GRIP1: variants seen among roughly 807,000 people sequenced by gnomAD.
GRIP1 encodes glutamate receptor interacting protein 1.
In GRIP1, 45 loss-of-function variants were observed where a neutral mutation model predicts 129.9. The observed-to-expected ratio is 0.35, with a 90% CI of 0.27 to 0.44. The LOEUF (loss-of-function observed/expected upper bound fraction) is 0.44, where lower values mean the gene tolerates loss of function less well. Among genes scored for constraint, GRIP1 ranks in the 20% least tolerant of loss-of-function variants. The probability of loss-of-function intolerance (pLI) is 1.00; values close to 1 mark genes in which losing one functional copy is unlikely to be tolerated. For missense variants in GRIP1, 1,196 were observed against 1,396.8 expected (o/e 0.86, Z 2.29); for synonymous variants, 530 against 520.8 (o/e 1.02, Z -0.24).
chr12:66,612,105 A>G (rs180808751), intron 1 of GRIP1, among the ~76,000 whole-genome samples: 69 of 152,318 alleles, frequency 4.5e-4, no homozygotes, highest in Non-Finnish European at 8.1e-4. Flanking sequence ...AATATAATGC[A>G]TATAATGACC....
At chr12:66,792,938 T>G (rs976840329) in intron 1 of GRIP1, among the ~76,000 whole-genome samples, 1 of 152,156 alleles carries the variant, frequency 6.6e-6, no homozygotes, top group African/African-American at 2.4e-5. Flanking sequence ...ATAATTTTAC[T>G]CTCTTTGAGA....
At chr12:66,974,767 T>C (rs560070936) in intron 1 of GRIP1, among the ~76,000 whole-genome samples, 8 of 152,312 alleles carry the variant, frequency 5.3e-5, no homozygotes, top group African/African-American at 1.7e-4. Context: ...ATCCAGGTCA[T>C]AGACAGAGGC....
intron 1 of GRIP1, among the ~76,000 whole-genome samples, chr12:66,817,208 A>ACACACATG (rs1467105292): frequency 1.1e-5 from 1 of 91,150 alleles, no homozygotes; most frequent in Non-Finnish European, 2.0e-5. Flanking sequence ...GTATGCACAC[A>ACACACATG]CACACACACA....
intron 1 of GRIP1, among the ~76,000 whole-genome samples, chr12:66,620,736 T>C (rs949263136): frequency 6.6e-6 from 1 of 151,930 alleles, no homozygotes; most frequent in African/African-American, 2.4e-5. Context: ...CCTCTCGCTC[T>C]CTTTCTCTTC....
At chr12:66,615,703 G>C (rs2065010878) in intron 1 of GRIP1, among the ~76,000 whole-genome samples, 1 of 152,122 alleles carries the variant, frequency 6.6e-6, no homozygotes, top group Non-Finnish European at 1.5e-5. Flanking sequence ...AGTATGCAGT[G>C]GTGTGATCTC....
chr12:66,954,925 C>A (rs1264345857), intron 1 of GRIP1, among the ~76,000 whole-genome samples: 1 of 152,106 alleles, frequency 6.6e-6, no homozygotes, highest in Non-Finnish European at 1.5e-5. Context: ...GGAAGAAAGG[C>A]AAGTTGCATT....
At chr12:66,857,413 A>T (rs2040026582) in intron 1 of GRIP1, among the ~76,000 whole-genome samples, 1 of 152,066 alleles carries the variant, frequency 6.6e-6, no homozygotes, top group Non-Finnish European at 1.5e-5. Context: ...AATAGTAATG[A>T]TTAACTACTG....
chr12:66,513,681 A>C (rs146140903), intron 7 of GRIP1, among the ~76,000 whole-genome samples: 1 of 152,300 alleles, frequency 6.6e-6, no homozygotes, highest in Non-Finnish European at 1.5e-5. Flanking sequence ...TATATTCAGC[A>C]ACCTTGAGGA....
chr12:66,545,627 T>C (rs1039320643), intron 2 of GRIP1, among the ~76,000 whole-genome samples: 1 of 152,202 alleles, frequency 6.6e-6, no homozygotes, highest in African/African-American at 2.4e-5. Flanking sequence ...CATTCATTCA[T>C]TCAATAAGAA....
intron 1 of GRIP1, among the ~76,000 whole-genome samples, chr12:66,982,993 A>G (rs943883247): frequency 2.0e-5 from 3 of 152,210 alleles, no homozygotes; most frequent in Non-Finnish European, 4.4e-5. Flanking sequence ...AAAAAGGAAC[A>G]AAATCAGCTT....
chr12:66,394,350 C>G lies in GRIP1; in HGVS notation c.1987G>C (p.Glu663Gln). 6.2e-7 allele frequency: 1 copy of G among 1,613,858 alleles called. No individual in the cohort carries two copies. Among genetic ancestry groups the G allele is most frequent in the Non-Finnish European group, 8.5e-7 (1 of 1,179,768 alleles). Residue 663 changes from glutamate (E) to glutamine (Q), a missense_variant and splice_region_variant, in exon 17 of 25, where the codon GAG (glutamate) becomes CAG (glutamine). By Grantham distance (29) the Glu-to-Gln change is conservative. Coordinates refer to ENST00000359742, the MANE Select transcript of GRIP1 (RefSeq NM_001366722.1). ...ATAATTGCTCCGGAACTTTCTTGCT[C>G]ATCTGTAATAAATGCCAAGGAATCA... ...KIRKDEDNSDEQESSGAIIYT... is the reference protein window; with the variant it reads ...KIRKDEDNSDQQESSGAIIYT...
intron 2 of GRIP1, among the ~76,000 whole-genome samples, chr12:66,553,584 C>T (rs1443861287): frequency 7.8e-6 from 1 of 128,114 alleles, no homozygotes; most frequent in Admixed American, 8.1e-5. Context: ...AGGAAAAGCA[C>T]CTTCGTAGGA....
chr12:66,522,424 G>C (rs1392148346), intron 5 of GRIP1, among the ~76,000 whole-genome samples: 1 of 152,182 alleles, frequency 6.6e-6, no homozygotes, highest in Non-Finnish European at 1.5e-5. Context: ...CAGGCAAACA[G>C]GGTTTGGAGC....
At chr12:66,540,431 A>G (rs919056334) in intron 3 of GRIP1, among the ~76,000 whole-genome samples, 1 of 152,208 alleles carries the variant, frequency 6.6e-6, no homozygotes, top group South Asian at 2.1e-4. Flanking sequence ...GAGAGCTATA[A>G]AGAAGCTCTG....
chr12:66,773,473 C>T (rs373444093), intron 1 of GRIP1, among the ~76,000 whole-genome samples: 2 of 152,076 alleles, frequency 1.3e-5, no homozygotes, highest in Non-Finnish European at 2.9e-5. Flanking sequence ...AACCAAACAC[C>T]GCATGTTCTT....
At chr12:66,853,778 T>A (rs748684232) in intron 1 of GRIP1, among the ~76,000 whole-genome samples, 2 of 152,128 alleles carry the variant, frequency 1.3e-5, no homozygotes, top group Non-Finnish European at 2.9e-5. Flanking sequence ...ATATTGAGGC[T>A]GCAGAAAGAT....
chr12:66,720,265 GTACATACCC>G (rs1444232715), intron 1 of GRIP1, among the ~76,000 whole-genome samples: 1 of 152,122 alleles, frequency 6.6e-6, no homozygotes. Context: ...AAAAAGCAAT[GTACATACCC>G]TAATTAAAAA....
At chr12:66,888,817 C>T (rs928260112) in intron 1 of GRIP1, among the ~76,000 whole-genome samples, 12 of 152,048 alleles carry the variant, frequency 7.9e-5, no homozygotes, top group Non-Finnish European at 2.9e-5. Flanking sequence ...CAGTTGCTAT[C>T]ATCAAATGTG....
At chr12:66,863,963 G>A (rs2137126027) in intron 1 of GRIP1, among the ~76,000 whole-genome samples, 1 of 152,242 alleles carries the variant, frequency 6.6e-6, no homozygotes, top group South Asian at 2.1e-4. Context: ...TGAGGGAGCT[G>A]TGCCACCACT....
Sources: allele counts gnomAD v4.1 joint callset (sites outside exome capture counted in the v4.1 genomes callset), GRCh38; gene constraint gnomAD v4.1.1; transcripts MANE v1.5; gene names NCBI Gene and HGNC (gene_info 2026-07-23, HGNC 2026-07-21).